The following SNX29 variants were observed in gnomAD, a reference collection of about 807,000 sequenced individuals.
SNX29 encodes the protein sorting nexin-29.
A neutral mutation model predicts 102.1 loss-of-function variants in SNX29; 78 were observed. The observed-to-expected ratio is 0.76, with a 90% CI of 0.64 to 0.92. The LOEUF (loss-of-function observed/expected upper bound fraction) is 0.92, where lower values mean the gene tolerates loss of function less well. SNX29 is among the 40% of genes least tolerant of loss of function. SNX29 has a pLI of 0.00. For synonymous variants in SNX29, 580 were observed against 414.5 expected (o/e 1.40, Z -4.85); for missense variants, 1,280 against 1,061.7 (o/e 1.21, Z -2.86).
At chr16:12,332,716 C>T (rs2081329967) in intron 15 of SNX29, among the ~76,000 whole-genome samples, 1 of 152,180 alleles carries the variant, frequency 6.6e-6, no homozygotes, top group African/African-American at 2.4e-5. Flanking sequence ...CTCTGTCTTT[C>T]TCTTATCCTC....
chr16:11,981,680 C>T (rs2055418868), intron 1 of SNX29, among the ~76,000 whole-genome samples: 1 of 151,896 alleles, frequency 6.6e-6, no homozygotes. Flanking sequence ...GGGTGCAAAG[C>T]TGAATACATT....
intron 14 of SNX29, among the ~76,000 whole-genome samples, chr16:12,210,695 C>T (rs2077159956): frequency 6.6e-6 from 1 of 151,882 alleles, no homozygotes; most frequent in South Asian, 2.1e-4. Context: ...GCCAAGGTGT[C>T]CTCACCTGCT....
intron 18 of SNX29, among the ~76,000 whole-genome samples, chr16:12,473,795 C>T (rs911202223): frequency 3.3e-5 from 5 of 152,226 alleles, no homozygotes; most frequent in Admixed American, 6.5e-5. Context: ...CCACCAGTAC[C>T]GTGGCAGTTT....
chr16:12,546,432 G>T (rs936789446), intron 20 of SNX29: 4 of 152,182 alleles, frequency 2.6e-5, no homozygotes, highest in African/African-American at 9.7e-5. Context: ...CACCATCGAT[G>T]TGAGCTAGGA....
chr16:12,430,466 G>T (rs1597354278), intron 18 of SNX29, among the ~76,000 whole-genome samples: 3 of 152,326 alleles, frequency 2.0e-5, no homozygotes, highest in East Asian at 1.9e-4. Context: ...TTTGGAATTG[G>T]TCATTCCTGA....
At chr16:12,471,705 T>A (rs1452040295) in intron 18 of SNX29, among the ~76,000 whole-genome samples, 2 of 152,274 alleles carry the variant, frequency 1.3e-5, no homozygotes, top group Admixed American at 1.3e-4. Context: ...GTTTTGTTTT[T>A]GCTTTTAAAT....
intron 18 of SNX29, among the ~76,000 whole-genome samples, chr16:12,415,791 C>T (rs1221694481): frequency 2.0e-5 from 3 of 152,220 alleles, no homozygotes; most frequent in Middle Eastern, 3.2e-3. Flanking sequence ...CACACACTCC[C>T]TGTGCTCCCC....
intron 13 of SNX29, among the ~76,000 whole-genome samples, chr16:12,197,735 G>A (rs1414554305): frequency 6.6e-6 from 1 of 152,198 alleles, no homozygotes; most frequent in African/African-American, 2.4e-5. Flanking sequence ...GACAGGCTTT[G>A]TCTAGGACGA....
chr16:12,563,792 G>T (rs991300905), intron 20 of SNX29, among the ~76,000 whole-genome samples: 2 of 149,668 alleles, frequency 1.3e-5, no homozygotes, highest in Non-Finnish European at 3.0e-5. Context: ...TCTGAAGACT[G>T]CAACACCCAC....
intron 11 of SNX29, among the ~76,000 whole-genome samples, chr16:12,108,203 C>A (rs991200812): frequency 1.3e-5 from 2 of 152,140 alleles, no homozygotes; most frequent in Non-Finnish European, 2.9e-5. Context: ...CTTTTACTAG[C>A]CTTGTCTGGC....
chr16:12,407,063 A>G (rs1211487835), intron 18 of SNX29, among the ~76,000 whole-genome samples: 2 of 152,194 alleles, frequency 1.3e-5, no homozygotes, highest in East Asian at 1.9e-4. Context: ...CTGCCTTGGA[A>G]CAAGCTCTCC....
intron 4 of SNX29, among the ~76,000 whole-genome samples, chr16:12,033,671 A>T (rs1317506591): frequency 6.6e-6 from 1 of 151,182 alleles, no homozygotes; most frequent in Non-Finnish European, 1.5e-5. Context: ...CAGTGGTGCA[A>T]TCTTGGCCCA....
intron 14 of SNX29, among the ~76,000 whole-genome samples, chr16:12,249,298 C>T (rs899316428): frequency 7.9e-5 from 12 of 152,220 alleles, no homozygotes; most frequent in African/African-American, 2.9e-4. Context: ...CATTTTCCTT[C>T]ACATTGCATC....
intron 19 of SNX29, among the ~76,000 whole-genome samples, chr16:12,513,400 C>T (rs573019739): frequency 9.9e-5 from 15 of 151,908 alleles, no homozygotes; most frequent in South Asian, 2.1e-4. Flanking sequence ...CTTCCCCTCC[C>T]CTCTACTCAG....
intron 20 of SNX29, among the ~76,000 whole-genome samples, chr16:12,530,995 A>C (rs1183724790): frequency 6.6e-6 from 1 of 152,238 alleles, no homozygotes; most frequent in East Asian, 1.9e-4. Context: ...CCCAGACTGT[A>C]GTCTGGAACA....
intron 11 of SNX29, 150 bp from the exon 12 acceptor site, chr16:12,126,483 C>G (rs2141385482): frequency 4.0e-6 from 3 of 756,256 alleles, no homozygotes; most frequent in South Asian, 3.8e-5. Flanking sequence ...TCAGCCGAGT[C>G]TCTTAGACTG....
chr16:12,105,191 T>TCCTTCCTC, intron 11 of SNX29, among the ~76,000 whole-genome samples: 1 of 149,188 alleles, frequency 6.7e-6, no homozygotes, highest in Non-Finnish European at 1.5e-5. Context: ...TTTATTTCCT[T>TCCTTCCTC]CCTTCCTCCC....
intron 3 of SNX29, among the ~76,000 whole-genome samples, chr16:12,025,696 T>C (rs1488199454): frequency 6.6e-6 from 1 of 152,092 alleles, no homozygotes; most frequent in Non-Finnish European, 1.5e-5. Flanking sequence ...CCGAATACAG[T>C]GGAAAGGCAT....
intron 20 of SNX29, among the ~76,000 whole-genome samples, chr16:12,555,051 G>C (rs1356341519): frequency 1.4e-5 from 2 of 147,522 alleles, no homozygotes; most frequent in Non-Finnish European, 2.9e-5. Flanking sequence ...GCAGCCTCAA[G>C]AGGCTGGTTG....
Sources: allele counts gnomAD v4.1 joint callset (sites outside exome capture counted in the v4.1 genomes callset), GRCh38; gene constraint gnomAD v4.1.1; transcripts MANE v1.5; gene names NCBI Gene and HGNC (gene_info 2026-07-23, HGNC 2026-07-21).